The following GOLGA3 variants were observed in gnomAD, a reference collection of about 807,000 sequenced individuals.
The protein encoded by GOLGA3 is golgin subfamily A member 3.
Under a neutral mutation model 169.4 loss-of-function variants are expected in GOLGA3, and 75 were observed. That is an observed-to-expected ratio of 0.44 (90% confidence interval 0.37 to 0.54). The LOEUF is 0.54. Ranked by LOEUF, GOLGA3 falls within the 20% of genes least tolerant of loss-of-function variation. The pLI is 0.00. For missense variants in GOLGA3, 1,899 were observed against 1,930.0 expected, an observed-to-expected ratio of 0.98 and a Z score of 0.30; for synonymous variants, 824 against 822.4, an observed-to-expected ratio of 1.00 and a Z score of -0.03.
At chr12:132,786,301 C>T (rs1318678558) in intron 15 of GOLGA3, 38 bp downstream of exon 15, 4 of 1,398,848 alleles carry the variant, frequency 2.9e-6, no homozygotes, top group Non-Finnish European at 4.0e-6. Flanking sequence ...CACTGAGGGG[C>T]TGGTGACCCT....
chr12:132,793,819 G>A (rs2136442494), intron 11 of GOLGA3, among the ~76,000 whole-genome samples: 1 of 152,342 alleles, frequency 6.6e-6, no homozygotes, highest in East Asian at 1.9e-4. Flanking sequence ...CCATGTGTTT[G>A]TGAAACACTT....
intron 23 of GOLGA3, among the ~76,000 whole-genome samples, chr12:132,773,951 TCCC>T (rs945784784): frequency 6.9e-6 from 1 of 145,278 alleles, no homozygotes; most frequent in African/African-American, 2.6e-5. Flanking sequence ...GCTGAGTCCT[TCCC>T]CCTTTATATA....
At chr12:132,799,550 G>A (rs1949029579) in intron 8 of GOLGA3, among the ~76,000 whole-genome samples, 1 of 152,184 alleles carries the variant, frequency 6.6e-6, no homozygotes, top group Non-Finnish European at 1.5e-5. Flanking sequence ...TGAGGCAGGA[G>A]GACTGTTTGA....
rs3816760 is a variant in GOLGA3 at position 132,828,483 on chromosome 12, G to C, written c.-184+320C>G. The C allele has an allele frequency of 5.2e-5, 8 of 152,414 alleles. No individual in the cohort carries two copies. The East Asian group carries it at 1.3e-3, about 26-fold the overall frequency. The allele number at this position is 152,414 out of a possible 1,614,324, so 9.4% of individuals were successfully genotyped here. Reference sequence around the variant, plus strand: ...ACGCCTTTCAGCTGCAAAGGGCCAGGCTAAAGCAAGCACTGCCCGAGTGGT... The same window carrying C: ...ACGCCTTTCAGCTGCAAAGGGCCAGCCTAAAGCAAGCACTGCCCGAGTGGT... On this transcript the variant is annotated intron_variant, in intron 1 of 23. Coordinates refer to ENST00000450791, the MANE Select transcript of GOLGA3 (RefSeq NM_001389683.1).
intron 1 of GOLGA3, among the ~76,000 whole-genome samples, chr12:132,825,185 G>A (rs751843259): frequency 2.6e-5 from 4 of 152,198 alleles, no homozygotes; most frequent in African/African-American, 4.8e-5. Flanking sequence ...ATATGGAACC[G>A]ACCGTGTGTG....
chr12:132,798,728 G>T lies in GOLGA3; in HGVS notation c.1801-251C>A, dbSNP rs150463546. Among the ~76,000 whole-genome samples, 63 of 152,348 alleles carry T rather than the reference G, an allele frequency of 4.1e-4. 1 individual carries two copies. The East Asian group carries it at 0.012, about 28-fold the overall frequency. On this transcript the variant is annotated intron_variant, in intron 8 of 23. Transcript: ENST00000450791. The stretch of plus-strand genomic sequence containing the variant: ...GCTGTTTGTAGCTCATCAGACTGCG[G>T]TTTGTAGCAGGACCTACCCAAAAGT...
intron 18 of GOLGA3, 27 bp downstream of exon 18, chr12:132,780,771 C>T (rs1418973496): frequency 1.4e-6 from 2 of 1,431,096 alleles, no homozygotes; most frequent in Admixed American, 1.7e-5. Context: ...CTCTGGAACG[C>T]CCTGTGAGAC....
chr12:132,815,672 G>A (rs903384342), intron 3 of GOLGA3, among the ~76,000 whole-genome samples: 1 of 152,198 alleles, frequency 6.6e-6, no homozygotes, highest in Non-Finnish European at 1.5e-5. Context: ...AAGGTATGAC[G>A]ATCACTTGAG....
intron 18 of GOLGA3, 147 bp downstream of exon 18, chr12:132,780,651 C>T: frequency 1.5e-6 from 1 of 669,720 alleles, no homozygotes; most frequent in Non-Finnish European, 2.7e-6. Context: ...AGAGCAGGTG[C>T]TCTGCGGCCT....
chr12:132,776,405 G>C (rs2045244102), intron 21 of GOLGA3, among the ~76,000 whole-genome samples: 1 of 132,788 alleles, frequency 7.5e-6, no homozygotes, highest in South Asian at 2.3e-4. Context: ...ACCCGCAGCA[G>C]CTGCTGTAGC....
At chr12:132,824,621 A>T (rs1007798937) in intron 1 of GOLGA3, among the ~76,000 whole-genome samples, 1 of 152,248 alleles carries the variant, frequency 6.6e-6, no homozygotes, top group Non-Finnish European at 1.5e-5. Context: ...ACAGAAGTGA[A>T]GGAAGTTACC....
intron 17 of GOLGA3, among the ~76,000 whole-genome samples, chr12:132,781,365 C>G (rs1009207409): frequency 6.6e-6 from 1 of 152,178 alleles, no homozygotes; most frequent in African/African-American, 2.4e-5. Flanking sequence ...CGAGACCATC[C>G]TGGCTAACAC....
At chr12:132,811,786 C>G in intron 4 of GOLGA3, 1 of 862,938 alleles carries the variant, frequency 1.2e-6, no homozygotes, top group Non-Finnish European at 1.4e-6. Context: ...AAAAACATAA[C>G]CTTAAAGGTA....
intron 8 of GOLGA3, among the ~76,000 whole-genome samples, chr12:132,800,622 A>G (rs1280393982): frequency 6.6e-6 from 1 of 152,228 alleles, no homozygotes; most frequent in East Asian, 1.9e-4. Flanking sequence ...AAGTTTTAAT[A>G]AATTTATAAT....
intron 2 of GOLGA3, among the ~76,000 whole-genome samples, 164 bp downstream of exon 2, chr12:132,821,832 C>G (rs568723096): frequency 8.2e-6 from 1 of 121,714 alleles, no homozygotes; most frequent in South Asian, 3.1e-4. Context: ...CCAGCCTGGG[C>G]GAAAGAGCGA....
chr12:132,788,321 T>C (rs1240802508), intron 13 of GOLGA3, among the ~76,000 whole-genome samples: 2 of 152,160 alleles, frequency 1.3e-5, no homozygotes, highest in African/African-American at 4.8e-5. Context: ...AAGCAAAACG[T>C]AGCACTTGGT....
chr12:132,821,123 AT>A (rs1331191504), intron 2 of GOLGA3, among the ~76,000 whole-genome samples: 12 of 148,230 alleles, frequency 8.1e-5, no homozygotes, highest in African/African-American at 2.5e-4. Context: ...AAAAAAAAAA[AT>A]GGCTGGGCGC....
rs1404523704 is a variant in GOLGA3 at position 132,787,597 on chromosome 12, T to C, written c.2812-810A>G. 1.3e-4 allele frequency among the ~76,000 whole-genome samples: 3 copies of C among 22,770 alleles called. 1 individual carries two copies. In the South Asian group the frequency reaches 4.8e-3, roughly 37 times the overall value. 14.9% of individuals were successfully genotyped at this position (22,770 alleles called of 152,430 possible). ...CCCCGGGACCCCTCCCCAGAACCCC[T>C]GGGACCCTTCCCCGGAGACCCCGGG... On this transcript the variant is annotated intron_variant, in intron 13 of 23. Coordinates refer to ENST00000450791, the MANE Select transcript of GOLGA3 (RefSeq NM_001389683.1).
At chr12:132,827,181 A>G (rs1010699883) in intron 1 of GOLGA3, among the ~76,000 whole-genome samples, 1 of 152,230 alleles carries the variant, frequency 6.6e-6, no homozygotes, top group Non-Finnish European at 1.5e-5. Context: ...CCTATCGGGT[A>G]TTAGAAACAA....
Sources: allele counts gnomAD v4.1 joint callset (sites outside exome capture counted in the v4.1 genomes callset), GRCh38; gene constraint gnomAD v4.1.1; transcripts MANE v1.5; gene names NCBI Gene and HGNC (gene_info 2026-07-23, HGNC 2026-07-21).